KCNRG: variants seen among roughly 807,000 people sequenced by gnomAD.
KCNRG encodes potassium channel regulator, also known as potassium channel regulatory protein.
In KCNRG, 17 loss-of-function variants were observed where a neutral mutation model predicts 17.7. The ratio of observed to expected loss-of-function variants is 0.96; its 90% CI spans 0.66 to 1.44. KCNRG has a LOEUF of 1.44. Among genes scored for constraint, KCNRG ranks in the 40% most tolerant of loss-of-function variants. KCNRG has a pLI of 0.00. For synonymous variants in KCNRG, 97 were observed against 116.5 expected, an observed-to-expected ratio of 0.83 and a Z score of 1.08; for missense variants, 311 against 321.1, an observed-to-expected ratio of 0.97 and a Z score of 0.24.
chr13:50,016,076 T>C lies in KCNRG; in HGVS notation c.578+5T>C. 6.2e-7 allele frequency: 1 copy of C among 1,607,328 alleles called. No homozygotes were observed. Among genetic ancestry groups the C allele is most frequent in the Non-Finnish European group, 8.5e-7 (1 of 1,174,216 alleles). On this transcript the variant is annotated splice_donor_5th_base_variant and intron_variant, in intron 1 of 1. Coordinates refer to ENST00000312942, the MANE Select transcript of KCNRG (RefSeq NM_173605.2). ...TGATAACCAAACTGGAGTCAGGTAT[T>C]TTGTACTTTGCAGTATTTCTCTTGT...
chr13:50,019,315 C>G (rs1005494733), intron 1 of KCNRG, among the ~76,000 whole-genome samples: 2 of 152,052 alleles, frequency 1.3e-5, no homozygotes, highest in South Asian at 2.1e-4. Context: ...AGATTTTGCC[C>G]TTTCCACTCT....
At position 50,020,542 on chromosome 13, in the gene KCNRG, A is replaced by G. The variant is rs1267744650; in HGVS notation, c.*88A>G. 1.6e-5 allele frequency: 22 copies of G among 1,395,918 alleles called. No individual in the cohort carries two copies. Among genetic ancestry groups the G allele is most frequent in the Non-Finnish European group, 2.2e-5 (22 of 1,015,898 alleles). The allele number at this position is 1,395,918 out of a possible 1,614,324, so 86.5% of individuals were successfully genotyped here. ...ATACATGTTAGCCAAATCTACACTC[A>G]GCCTAACTCTTGGCTTCATCTGCTG... is the stretch of plus-strand genomic sequence containing the variant. On this transcript the variant is annotated 3_prime_UTR_variant, in exon 2 of 2. Transcript: ENST00000312942.
rs774499734 is a variant in KCNRG at position 50,019,280 on chromosome 13, T to G, written c.579-934T>G. On this transcript the variant is annotated intron_variant, in intron 1 of 1. Transcript: ENST00000312942. ...AATTGGTTCTGTGTACTGCATTTGT[T>G]CTGTGGAGCACCTCAGTGAATAGAA... 2.0e-5 allele frequency among the ~76,000 whole-genome samples: 3 copies of G among 152,296 alleles called. No homozygotes were observed. The South Asian group carries it at 6.2e-4, about 32-fold the overall frequency.
chr13:50,017,148 A>G (rs1377258404), intron 1 of KCNRG: 1 of 167,030 alleles, frequency 6.0e-6, no homozygotes. Flanking sequence ...CCTTATCTTT[A>G]TCTCAAACCT....
At position 50,015,780 on chromosome 13, in the gene KCNRG, A is replaced by G; in HGVS notation, c.287A>G (p.Asp96Gly). Residue 96 changes from aspartate (D) to glycine (G), a missense_variant, in exon 1 of 2, where the codon GAT (aspartate) becomes GGT (glycine). Coordinates refer to ENST00000312942, the MANE Select transcript of KCNRG (RefSeq NM_173605.2). ...TTCTATGAACTTCGTTCTCTAGTTG[A>G]TCTCTTAAACCCATACCTGCTACAG... Reference protein sequence around the residue: ...ALFYELRSLVDLLNPYLLQPR... With the variant: ...ALFYELRSLVGLLNPYLLQPR... The G allele has an allele frequency of 1.2e-6, 2 of 1,614,014 alleles. No individual in the cohort carries two copies. The highest frequency in any genetic ancestry group is 2.2e-5 in the South Asian group (2 of 91,070).
intron 1 of KCNRG, 31 bp from the exon 2 acceptor site, chr13:50,020,183 T>C (rs1391337219): frequency 6.2e-7 from 1 of 1,606,458 alleles, no homozygotes; most frequent in Non-Finnish European, 8.5e-7. Context: ...AAGGGATGCT[T>C]TATAATTAAG....
rs779290527 is a variant in KCNRG, at chr13:50,016,088, A to C, written c.578+17A>C. ...TGGAGTCAGGTATTTTGTACTTTGC[A>C]GTATTTCTCTTGTATACCAGTTTGT... On this transcript the variant is annotated intron_variant, in intron 1 of 1. Transcript: ENST00000312942. 1 of 1,585,442 alleles carries C rather than the reference A, an allele frequency of 6.3e-7. No individual in the cohort carries two copies. The highest frequency in any genetic ancestry group is 8.7e-7 in the Non-Finnish European group (1 of 1,155,080).
At chr13:50,017,423 TGTTCCTGTGTGTAC>T in intron 1 of KCNRG, 1 of 167,244 alleles carries the variant, frequency 6.0e-6, no homozygotes, top group East Asian at 1.9e-4. Context: ...AAAACTGGGA[TGTTCCTGTGTGTAC>T]ACAGTGCCAA....
In KCNRG at chr13:50,015,905, G is replaced by A. The variant is rs1876483834; in HGVS notation, c.412G>A (p.Gly138Arg). ...CAGCAAAACAATTGAGATGCTAACAGGGAGGATTACAGTGTTTACAGAACA... is the reference window on the plus strand; with the variant it reads ...CAGCAAAACAATTGAGATGCTAACAAGGAGGATTACAGTGTTTACAGAACA... ...SCSKTIEMLT[G>R]RITVFTEQPS... is the part of the protein sequence containing the mutation. The change falls in exon 1 of 2, where the codon GGG becomes AGG. Residue 138 changes from glycine to arginine, a missense_variant. Gly to Arg is a moderately radical substitution (Grantham distance 125). Transcript: ENST00000312942. 6.2e-7 allele frequency: 1 copy of A among 1,614,108 alleles called. No homozygotes were observed. The highest frequency in any genetic ancestry group is 8.5e-7 in the Non-Finnish European group (1 of 1,180,000).
Position 50,016,062 on chromosome 13 carries a change from C to T in KCNRG, c.569C>T (p.Thr190Ile), listed in dbSNP as rs1432902481. The change falls in exon 1 of 2, where the codon ACT becomes ATT. Residue 190 changes from threonine (T) to isoleucine (I), a missense_variant. Coordinates refer to ENST00000312942, the MANE Select transcript of KCNRG (RefSeq NM_173605.2). Reference sequence around the variant, plus strand: ...TCTGACAGCACTACTGATAACCAAACTGGAGTCAGGTATTTTGTACTTTGC... The same window carrying T: ...TCTGACAGCACTACTGATAACCAAATTGGAGTCAGGTATTTTGTACTTTGC... ...CGSDSTTDNQ[T>I]GVRYVSIKPD... 6.2e-7 allele frequency: 1 copy of T among 1,612,146 alleles called. No homozygotes were observed. The highest frequency in any genetic ancestry group is 1.1e-5 in the South Asian group (1 of 91,040).
rs2138469251 is a variant in KCNRG, at chr13:50,020,314, A to G, written c.679A>G (p.Ser227Gly). The G allele has an allele frequency of 6.2e-7, 1 of 1,614,152 alleles. No individual in the cohort carries two copies. Among genetic ancestry groups the G allele is most frequent in the South Asian group, 1.1e-5 (1 of 91,082 alleles). ...ATTAAAGGAAGGCTTTCATTTGGTCAGCACTAGAACAGTATCTTCTGAAGA... is the reference window on the plus strand; with the variant it reads ...ATTAAAGGAAGGCTTTCATTTGGTCGGCACTAGAACAGTATCTTCTGAAGA... ...TLLKEGFHLV[S>G]TRTVSSEDKT... Residue 227 changes from serine (S) to glycine (G), a missense_variant, in exon 2 of 2, where the codon AGC (serine) becomes GGC (glycine). Ser to Gly is a moderately conservative substitution (Grantham distance 56). Coordinates refer to ENST00000312942, the MANE Select transcript of KCNRG (RefSeq NM_173605.2).
chr13:50,020,801 T>A lies in KCNRG; in HGVS notation c.*347T>A, dbSNP rs914258904. The A allele has an allele frequency of 4.4e-6, 1 of 227,884 alleles. No homozygotes were observed. Among genetic ancestry groups the A allele is most frequent in the Non-Finnish European group, 8.8e-6 (1 of 113,312 alleles). The allele number at this position is 227,884 out of a possible 1,614,324, so 14.1% of individuals were successfully genotyped here. On this transcript the variant is annotated 3_prime_UTR_variant, in exon 2 of 2. Transcript: ENST00000312942. ...AAATTGATCAAACTGATGGATACCCTAAGTACCCTGACTTGATCATTACAC... is the reference window on the plus strand; with the variant it reads ...AAATTGATCAAACTGATGGATACCCAAAGTACCCTGACTTGATCATTACAC...
At chr13:50,020,187 A>G (rs1399343448) in intron 1 of KCNRG, 27 bp from the exon 2 acceptor site, 2 of 1,607,754 alleles carry the variant, frequency 1.2e-6, no homozygotes, top group Non-Finnish European at 1.7e-6. Flanking sequence ...GATGCTTTAT[A>G]ATTAAGCTTC....
At position 50,015,765 on chromosome 13, in the gene KCNRG, T is replaced by C. The variant is rs779090101; in HGVS notation, c.272T>C (p.Leu91Pro). 3.7e-6 allele frequency: 6 copies of C among 1,614,124 alleles called. No individual in the cohort carries two copies. In the East Asian group the frequency reaches 6.7e-5, roughly 18 times the overall value. ...CAGAGAGAGGCTCTTTTCTATGAAC[T>C]TCGTTCTCTAGTTGATCTCTTAAAC... ...RLQREALFYE[L>P]RSLVDLLNPY... Residue 91 changes from leucine to proline, a missense_variant, in exon 1 of 2, where the codon CTT becomes CCT. Transcript: ENST00000312942.
rs1457073478 is a variant in KCNRG at position 50,015,929 on chromosome 13, C to T, written c.436C>T (p.Gln146Ter). The part of the protein sequence containing the change: ...LTGRITVFTE[Q>*]PSAPTWNGNF... Reference sequence around the variant, plus strand: ...AGGGAGGATTACAGTGTTTACAGAACAACCTTCAGCGCCGACCTGGAATGG... The same window carrying T: ...AGGGAGGATTACAGTGTTTACAGAATAACCTTCAGCGCCGACCTGGAATGG... The change falls in exon 1 of 2, where the codon CAA (glutamine) becomes TAA (stop). Residue 146 changes from glutamine (Q) to a stop codon, truncating the protein, a stop_gained. Coordinates refer to ENST00000312942, the MANE Select transcript of KCNRG (RefSeq NM_173605.2). LOFTEE classifies it high-confidence loss of function. 1.6e-5 allele frequency: 26 copies of T among 1,613,976 alleles called. No homozygotes were observed. Among genetic ancestry groups the T allele is most frequent in the Non-Finnish European group, 1.9e-5 (22 of 1,179,986 alleles).
chr13:50,016,155 T>TAC (rs1876533764), intron 1 of KCNRG, 84 bp downstream of exon 1: 1 of 934,532 alleles, frequency 1.1e-6, no homozygotes, highest in African/African-American at 1.7e-5. Context: ...GGCCTGTAAC[T>TAC]TCTGGAAAAG....
chr13:50,020,678 C>T lies in KCNRG; in HGVS notation c.*224C>T, dbSNP rs2138470476. ...TTTGGTATATGTTCTACCTTCAATACATCTTTCCCTTTCTCTTCTTCATGA... is the reference window on the plus strand; with the variant it reads ...TTTGGTATATGTTCTACCTTCAATATATCTTTCCCTTTCTCTTCTTCATGA... On this transcript the variant is annotated 3_prime_UTR_variant, in exon 2 of 2. Coordinates refer to ENST00000312942, the MANE Select transcript of KCNRG (RefSeq NM_173605.2). 2.1e-6 allele frequency: 1 copy of T among 466,084 alleles called. No homozygotes were observed. Among genetic ancestry groups the T allele is most frequent in the Admixed American group, 3.5e-5 (1 of 28,612 alleles). 28.9% of individuals were successfully genotyped at this position (466,084 alleles called of 1,614,324 possible). A position where few individuals can be genotyped will look rare whatever the true frequency, so the allele number is the denominator to read the frequency against.
chr13:50,015,648 A>G lies in KCNRG; in HGVS notation c.155A>G (p.Asp52Gly). 1.2e-6 allele frequency: 2 copies of G among 1,614,152 alleles called. No homozygotes were observed. Among genetic ancestry groups the G allele is most frequent in the Non-Finnish European group, 1.7e-6 (2 of 1,180,002 alleles). Residue 52 changes from aspartate to glycine, a missense_variant, in exon 1 of 2, where the codon GAC becomes GGC. Transcript: ENST00000312942. ...ATGGTTGGTGGCCAGATTTTTGTAG[A>G]CAGAGATGGTGATTTGTTTAGTTTC... ...FKMVGGQIFV[D>G]RDGDLFSFIL...
rs1434754645 is a variant in KCNRG at position 50,020,418 on chromosome 13, T to C, written c.783T>C (p.Thr261=). The part of the protein sequence containing the change: ...LITNETPKPE[T]IIIPEQSQIK... ...CGAATGAAACACCAAAACCAGAGAC[T>C]ATCATCATACCAGAGCAATCTCAGA... is the stretch of plus-strand genomic sequence containing the variant. Residue 261 remains threonine (T), a synonymous_variant, in exon 2 of 2, where the codon ACT becomes ACC. Coordinates refer to ENST00000312942, the MANE Select transcript of KCNRG (RefSeq NM_173605.2). 1 of 1,614,024 alleles carries C rather than the reference T, an allele frequency of 6.2e-7. No homozygotes were observed. The highest frequency in any genetic ancestry group is 8.5e-7 in the Non-Finnish European group (1 of 1,179,858).
Sources: gnomAD v4.1 joint callset for allele counts (sites outside exome capture counted in the v4.1 genomes callset) on GRCh38, gnomAD v4.1.1 for gene constraint, MANE v1.5 for transcripts, NCBI Gene and HGNC (gene_info 2026-07-23, HGNC 2026-07-21) for gene names.